Variants in PKHD1 observed in about 807,000 individuals in gnomAD.
PKHD1 encodes PKHD1 ciliary IPT domain containing fibrocystin/polyductin.
In PKHD1, 291 loss-of-function variants were observed where a neutral mutation model predicts 412.0. The ratio of observed to expected loss-of-function variants is 0.71; its 90% CI spans 0.64 to 0.78. The LOEUF (loss-of-function observed/expected upper bound fraction) is 0.78. Ranked by LOEUF, PKHD1 falls within the 30% of genes least tolerant of loss-of-function variation. The pLI is 0.00. For synonymous variants in PKHD1, 1,777 were observed against 1,821.5 expected, an observed-to-expected ratio of 0.98 and a Z score of 0.62; for missense variants, 4,825 against 4,950.7, an observed-to-expected ratio of 0.97 and a Z score of 0.76.
chr6:51,675,791 A>C (rs769044795), intron 60 of PKHD1, among the ~76,000 whole-genome samples: 18 of 152,200 alleles, frequency 1.2e-4, no homozygotes, highest in African/African-American at 4.3e-4. Flanking sequence ...GTGACCAGTG[A>C]GTATTGGCTT....
At chr6:51,733,660 A>G (rs1289090682) in intron 60 of PKHD1, among the ~76,000 whole-genome samples, 1 of 152,182 alleles carries the variant, frequency 6.6e-6, no homozygotes, top group Non-Finnish European at 1.5e-5. Flanking sequence ...GATAGAAGGA[A>G]TTTAGAATTC....
rs73738188 is a variant in PKHD1, at chr6:51,758,558, A to G, written c.8643-3620T>C. Among the ~76,000 whole-genome samples the G allele has an allele frequency of 3.1e-3, 474 of 152,290 alleles. 1 individual carries two copies. The highest frequency in any genetic ancestry group is 0.011 in the African/African-American group (455 of 41,566). ...TATGACTCCTAGATCTTCAGGGAAG[A>G]GGGGAGACTTGCTTGTTGTTATGAG... On this transcript the variant is annotated intron_variant, in intron 55 of 66. Transcript: ENST00000371117.
chr6:51,710,639 A>T (rs1780545567), intron 60 of PKHD1, among the ~76,000 whole-genome samples: 3 of 152,158 alleles, frequency 2.0e-5, no homozygotes, highest in Non-Finnish European at 4.4e-5. Context: ...AAACATATAT[A>T]TCTATTACTA....
At chr6:51,860,238 AG>A (rs1773970383) in intron 48 of PKHD1, among the ~76,000 whole-genome samples, 1 of 152,202 alleles carries the variant, frequency 6.6e-6, no homozygotes, top group African/African-American at 2.4e-5. Context: ...CAACTCAAAA[AG>A]CAAAAGACCC....
chr6:51,791,483 G>T (rs530171395), intron 52 of PKHD1, 110 bp from the exon 53 acceptor site: 1 of 945,416 alleles, frequency 1.1e-6, no homozygotes, highest in African/African-American at 1.6e-5. Context: ...ATCTAAACCA[G>T]GACAGGTATA....
chr6:51,620,387 T>A (rs1766453949), intron 66 of PKHD1, among the ~76,000 whole-genome samples: 1 of 152,148 alleles, frequency 6.6e-6, no homozygotes, highest in African/African-American at 2.4e-5. Context: ...AAGTTAAGAA[T>A]GTTCAGTGGG....
rs555981191 is a variant in PKHD1, at chr6:51,695,167, C to G, written c.10157-35198G>C. 2.0e-5 allele frequency among the ~76,000 whole-genome samples: 3 copies of G among 152,110 alleles called. No individual in the cohort carries two copies. The South Asian group carries it at 6.2e-4, about 32-fold the overall frequency. On this transcript the variant is annotated intron_variant, in intron 60 of 66. Transcript: ENST00000371117. ...TCAGCAGGATTTAAAGAACAGAGAC[C>G]TTACTTCTTAAAGTCTTTTCAATAA... is the stretch of plus-strand genomic sequence containing the variant.
intron 60 of PKHD1, among the ~76,000 whole-genome samples, chr6:51,683,747 T>C (rs573979205): frequency 1.3e-5 from 2 of 152,236 alleles, no homozygotes; most frequent in Non-Finnish European, 2.9e-5. Flanking sequence ...TCTTCCATTG[T>C]ATAGTTGTGA....
intron 27 of PKHD1, 48 bp from the exon 28 acceptor site, chr6:52,035,769 A>G (rs1376751071): frequency 6.3e-7 from 1 of 1,589,480 alleles, no homozygotes; most frequent in South Asian, 1.1e-5. Flanking sequence ...CCATACAGGC[A>G]GACAAAAATT....
chr6:51,911,961 A>G lies in PKHD1; in HGVS notation c.6333-5T>C. ...TCTGTAAAGTTGTGAGAATATCTGG[A>G]GAAAAAAAGAGGATGATAGAACTGA... On this transcript the variant is annotated splice_polypyrimidine_tract_variant and splice_region_variant and intron_variant, in intron 38 of 66. Transcript: ENST00000371117. 1 of 1,606,506 alleles carries G rather than the reference A, an allele frequency of 6.2e-7. No homozygotes were observed. The highest frequency in any genetic ancestry group is 8.5e-7 in the Non-Finnish European group (1 of 1,175,698).
At chr6:51,943,639 G>C (rs1000446257) in intron 36 of PKHD1, among the ~76,000 whole-genome samples, 2 of 151,568 alleles carry the variant, frequency 1.3e-5, no homozygotes, top group East Asian at 3.9e-4. Flanking sequence ...TCTCTAGTTA[G>C]ATGTCCTGGA....
chr6:51,954,890 T>C (rs1790886143), intron 36 of PKHD1, among the ~76,000 whole-genome samples: 2 of 152,112 alleles, frequency 1.3e-5, no homozygotes, highest in South Asian at 4.1e-4. Context: ...AAGAGATTCA[T>C]TGCTTCATTC....
intron 60 of PKHD1, chr6:51,721,412 A>C: frequency 1.9e-6 from 1 of 535,190 alleles, no homozygotes; most frequent in Non-Finnish European, 2.4e-6. Flanking sequence ...TAATATGCCA[A>C]TAATAATAAT....
rs1327567606 is a variant in PKHD1 at position 52,062,735 on chromosome 6, A to G, written c.977-75T>C. ...TTGGGGAATTACTTTATTTTAAATTACAAGGTGAAAGATGACCCAGATGCT... is the reference window on the plus strand; with the variant it reads ...TTGGGGAATTACTTTATTTTAAATTGCAAGGTGAAAGATGACCCAGATGCT... On this transcript the variant is annotated intron_variant, in intron 13 of 66. Transcript: ENST00000371117. 2.5e-6 allele frequency: 4 copies of G among 1,585,142 alleles called. No homozygotes were observed. In the African/African-American group the frequency reaches 5.4e-5, roughly 21 times the overall value.
chr6:51,949,657 C>T (rs956098310), intron 36 of PKHD1, among the ~76,000 whole-genome samples: 12 of 152,096 alleles, frequency 7.9e-5, no homozygotes, highest in African/African-American at 2.4e-4. Context: ...GGCTGGCAAA[C>T]GAGAGCCCCC....
rs576883742 is a variant in PKHD1, at chr6:51,767,827, T to C, written c.8642+4875A>G. 2.6e-5 allele frequency among the ~76,000 whole-genome samples: 4 copies of C among 152,352 alleles called. No homozygotes were observed. The South Asian group carries it at 8.3e-4, about 32-fold the overall frequency. Reference sequence around the variant, plus strand: ...CATGATTTATAATCCTTTGATTATATACCCAGTAATGGGATGGCTGGATCA... The same window carrying C: ...CATGATTTATAATCCTTTGATTATACACCCAGTAATGGGATGGCTGGATCA... On this transcript the variant is annotated intron_variant, in intron 55 of 66. Transcript: ENST00000371117.
At chr6:51,903,534 T>C (rs922752524) in intron 43 of PKHD1, 63 bp downstream of exon 43, 1 of 1,491,866 alleles carries the variant, frequency 6.7e-7, no homozygotes, top group African/African-American at 1.4e-5. Flanking sequence ...TGGACACCCC[T>C]GATTGAGAAA....
chr6:52,025,918 C>T lies in PKHD1; in HGVS notation c.3892G>A (p.Ala1298Thr), dbSNP rs1162332711. 6.2e-7 allele frequency: 1 copy of T among 1,614,150 alleles called. No homozygotes were observed. The highest frequency in any genetic ancestry group is 8.5e-7 in the Non-Finnish European group (1 of 1,180,048). Residue 1298 changes from alanine to threonine, a missense_variant, in exon 32 of 67, where the codon GCA (alanine) becomes ACA (threonine). Coordinates refer to ENST00000371117, the MANE Select transcript of PKHD1 (RefSeq NM_138694.4). ...ATGGCAGTGACTACTGGTGTTGCTGCCGCTTCATACATGAAGGTGAAGCCT... is the reference window on the plus strand; with the variant it reads ...ATGGCAGTGACTACTGGTGTTGCTGTCGCTTCATACATGAAGGTGAAGCCT... Reference protein sequence around the residue: ...GKGFTFMYEAAATPVVTAMQG... With the variant: ...GKGFTFMYEATATPVVTAMQG...
intron 45 of PKHD1, among the ~76,000 whole-genome samples, chr6:51,885,439 C>T (rs1470394737): frequency 6.6e-6 from 1 of 152,104 alleles, no homozygotes; most frequent in African/African-American, 2.4e-5. Context: ...AAATGCACAA[C>T]ATTTGGAGTC....
Sources: allele counts gnomAD v4.1 joint callset (sites outside exome capture counted in the v4.1 genomes callset), GRCh38; gene constraint gnomAD v4.1.1; transcripts MANE v1.5; gene names NCBI Gene and HGNC (gene_info 2026-07-23, HGNC 2026-07-21).